Variants in TUSC3 observed in about 807,000 individuals in gnomAD.
The protein encoded by TUSC3 is tumor suppressor candidate 3.
Under a neutral mutation model 44.8 loss-of-function variants are expected in TUSC3, and 45 were observed. The ratio of observed to expected loss-of-function variants is 1.00; its 90% confidence interval spans 0.79 to 1.29. The LOEUF (loss-of-function observed/expected upper bound fraction) is 1.29, where lower values mean the gene tolerates loss of function less well. Among genes scored for constraint, TUSC3 ranks in the 50% most tolerant of loss-of-function variants. The pLI, the probability that TUSC3 is intolerant of heterozygous loss-of-function variation, is 0.00. For missense variants in TUSC3, 519 were observed against 437.9 expected (o/e 1.19, Z -1.65); for synonymous variants, 212 against 152.9 (o/e 1.39, Z -2.85).
At chr8:15,718,273 G>A (rs1048345291) in intron 6 of TUSC3, among the ~76,000 whole-genome samples, 12 of 152,120 alleles carry the variant, frequency 7.9e-5, no homozygotes, top group East Asian at 5.8e-4. Flanking sequence ...AAAAGTGGCA[G>A]TAGAGAATAG....
chr8:15,841,525 T>A, the TUSC3 span, among the ~76,000 whole-genome samples: 1 of 152,162 alleles, frequency 6.6e-6, no homozygotes, highest in Non-Finnish European at 1.5e-5. Flanking sequence ...CAAAATTTTT[T>A]TTTTTTTAGA....
At chr8:15,431,181 C>T (rs1799868385) in intron 1 of TUSC3, among the ~76,000 whole-genome samples, 2 of 151,488 alleles carry the variant, frequency 1.3e-5, no homozygotes, top group South Asian at 2.1e-4. Context: ...TTGTGGTTCC[C>T]TATGAATTTT....
the TUSC3 span, among the ~76,000 whole-genome samples, chr8:15,804,209 C>G: frequency 6.6e-6 from 1 of 152,174 alleles, no homozygotes; most frequent in East Asian, 1.9e-4. Flanking sequence ...TCTCCAGCAT[C>G]TGTTGTTTCC....
chr8:15,827,865 A>T, the TUSC3 span, among the ~76,000 whole-genome samples: 10 of 152,062 alleles, frequency 6.6e-5, no homozygotes, highest in Non-Finnish European at 1.5e-5. Flanking sequence ...GGATGTTGGG[A>T]TAGGGTGAAT....
chr8:15,689,320 A>G (rs2129188981), intron 6 of TUSC3: 1 of 293,490 alleles, frequency 3.4e-6, no homozygotes, highest in East Asian at 1.0e-4. Flanking sequence ...AGTAGTCACC[A>G]TCATCACTCC....
chr8:15,674,660 G>A (rs1808103589), intron 6 of TUSC3, among the ~76,000 whole-genome samples: 1 of 151,564 alleles, frequency 6.6e-6, no homozygotes, highest in South Asian at 2.1e-4. Flanking sequence ...TAATCAATTT[G>A]GGCCCATATT....
chr8:15,542,526 A>G (rs1801727005), intron 1 of TUSC3, among the ~76,000 whole-genome samples: 1 of 151,974 alleles, frequency 6.6e-6, no homozygotes, highest in Non-Finnish European at 1.5e-5. Context: ...TGGCTGGGGC[A>G]GAGGTCGGAG....
chr8:15,847,891 T>A, the TUSC3 span, among the ~76,000 whole-genome samples: 2 of 152,214 alleles, frequency 1.3e-5, no homozygotes, highest in South Asian at 2.1e-4. Flanking sequence ...AAGCTAGGAA[T>A]AATCATACCT....
At chr8:15,824,957 C>T in the TUSC3 span, among the ~76,000 whole-genome samples, 2 of 152,120 alleles carry the variant, frequency 1.3e-5, no homozygotes, top group Admixed American at 6.6e-5. Context: ...AAGATTGACT[C>T]TCTATATAAA....
At chr8:15,488,122 C>G (rs546482300) in intron 2 of TUSC3, among the ~76,000 whole-genome samples, 2 of 152,062 alleles carry the variant, frequency 1.3e-5, no homozygotes, top group Non-Finnish European at 2.9e-5. Flanking sequence ...TTCTTTGACT[C>G]TAAGTCCCCT....
chr8:15,532,558 G>A (rs1801463337), intron 2 of TUSC3, among the ~76,000 whole-genome samples: 1 of 152,164 alleles, frequency 6.6e-6, no homozygotes, highest in Non-Finnish European at 1.5e-5. Context: ...AGAGTAAGAA[G>A]TTTAAAAAGG....
chr8:15,484,592 T>C (rs1800711592), intron 2 of TUSC3, among the ~76,000 whole-genome samples: 1 of 152,226 alleles, frequency 6.6e-6, no homozygotes, highest in Non-Finnish European at 1.5e-5. Context: ...AGATAAAAAG[T>C]AAAATTAATC....
At chr8:15,644,091 C>T (rs1273041993) in intron 2 of TUSC3, among the ~76,000 whole-genome samples, 3 of 152,108 alleles carry the variant, frequency 2.0e-5, no homozygotes, top group Admixed American at 2.0e-4. Context: ...ATATGTAGAA[C>T]TGTAGATGAT....
At chr8:15,755,889 T>A (rs1811907597) in intron 9 of TUSC3, among the ~76,000 whole-genome samples, 1 of 152,010 alleles carries the variant, frequency 6.6e-6, no homozygotes, top group African/African-American at 2.4e-5. Flanking sequence ...ATTCTTCACA[T>A]ATGGGTAACT....
At chr8:15,736,765 T>TGTCA in intron 7 of TUSC3, among the ~76,000 whole-genome samples, 1 of 152,170 alleles carries the variant, frequency 6.6e-6, no homozygotes, top group Non-Finnish European at 1.5e-5. Context: ...GGCAGAACTA[T>TGTCA]GTCATTTAAA....
Position 15,466,454 on chromosome 8 carries a change from C to T in TUSC3, n.92-16932C>T, listed in dbSNP as rs145521025. On this transcript the variant is annotated intron_variant and non_coding_transcript_variant, in intron 1 of 5. Transcript: ENST00000503191. ...CTAATTTTAAAGTCAAAGATGAGTG[C>T]CCAATGTAGGAAAAAAATGCTTATA... Among the ~76,000 whole-genome samples the T allele has an allele frequency of 4.0e-4, 61 of 152,026 alleles. No homozygotes were observed. In the East Asian group the frequency reaches 0.011, roughly 28 times the overall value.
intron 2 of TUSC3, among the ~76,000 whole-genome samples, chr8:15,493,613 T>A (rs1563265575): frequency 6.6e-6 from 1 of 152,130 alleles, no homozygotes; most frequent in African/African-American, 2.4e-5. Flanking sequence ...AAACATTTGG[T>A]ACTGGAACTA....
At chr8:15,431,328 T>C (rs1448568976) in intron 1 of TUSC3, among the ~76,000 whole-genome samples, 1 of 151,828 alleles carries the variant, frequency 6.6e-6, no homozygotes, top group African/African-American at 2.4e-5. Flanking sequence ...TGAACACATA[T>C]ATCTATCTAT....
intron 1 of TUSC3, among the ~76,000 whole-genome samples, chr8:15,547,327 T>A (rs973655916): frequency 3.3e-5 from 5 of 151,656 alleles, no homozygotes; most frequent in Non-Finnish European, 5.9e-5. Context: ...TTGGAAATAT[T>A]TTGGTACGGA....
Sources: allele counts gnomAD v4.1 joint callset (sites outside exome capture counted in the v4.1 genomes callset), GRCh38; gene constraint gnomAD v4.1.1; transcripts MANE v1.5; gene names NCBI Gene and HGNC (gene_info 2026-07-23, HGNC 2026-07-21).